The following USP43 variants were observed in gnomAD, a reference collection of about 807,000 sequenced individuals.
USP43 encodes ubiquitin carboxyl-terminal hydrolase 43.
USP43 carries 33 observed loss-of-function variants against 90.7 expected under a neutral mutation model. That is an observed-to-expected ratio of 0.36 (90% CI 0.28 to 0.49). The LOEUF (loss-of-function observed/expected upper bound fraction) is 0.49. Among genes scored for constraint, USP43 ranks in the 20% least tolerant of loss-of-function variants. The probability of loss-of-function intolerance (pLI) is 0.98; values close to 1 mark genes in which losing one functional copy is unlikely to be tolerated. For synonymous variants in USP43, 598 were observed against 615.8 expected, an observed-to-expected ratio of 0.97 and a Z score of 0.43; for missense variants, 1,274 against 1,476.4, an observed-to-expected ratio of 0.86 and a Z score of 2.25.
chr17:9,709,685 C>T lies in USP43; in HGVS notation c.2012-271C>T, dbSNP rs545922537. Among the ~76,000 whole-genome samples the T allele has an allele frequency of 3.9e-4, 59 of 152,132 alleles. No homozygotes were observed. The highest frequency in any genetic ancestry group is 1.3e-3 in the African/African-American group (52 of 41,492). ...GAGCCGAGATCGCGCCACTTCACTC[C>T]AGCCTGGGTGACAGAGCGAAACTCC... On this transcript the variant is annotated intron_variant, in intron 12 of 14. Transcript: ENST00000285199. This position sits in a 1 kb window ranked among gnomAD's most constrained non-coding sequence, Gnocchi z 5.0.
chr17:9,667,026 C>T (rs1195487403), intron 3 of USP43, among the ~76,000 whole-genome samples: 1 of 152,128 alleles, frequency 6.6e-6, no homozygotes, highest in Non-Finnish European at 1.5e-5. Flanking sequence ...TAAATGTGAG[C>T]TGGGATCTCA....
chr17:9,682,774 AAAGCAGCTCCTTT>A (rs1914372097), intron 6 of USP43, 36 bp from the exon 7 acceptor site: 4 of 1,594,440 alleles, frequency 2.5e-6, no homozygotes, highest in Non-Finnish European at 3.4e-6. Flanking sequence ...CTGACCCAGG[AAAGCAGCTCCTTT>A]AGGAATATGA....
chr17:9,719,082 C>T (rs1336889740), intron 14 of USP43, among the ~76,000 whole-genome samples: 1 of 152,056 alleles, frequency 6.6e-6, no homozygotes, highest in Non-Finnish European at 1.5e-5. Flanking sequence ...AAGCTGAGCT[C>T]GCACCATTGC....
chr17:9,728,989 G>GA lies in USP43; in HGVS notation c.3372dup. The GA allele has an allele frequency of 6.4e-7, 1 of 1,561,200 alleles. No homozygotes were observed. Among genetic ancestry groups the GA allele is most frequent in the Non-Finnish European group, 8.7e-7 (1 of 1,149,034 alleles). ...RKKTLPESSF[*] ...AAAACCTTACCGGAGTCCAGCTTTT[G>GA]ATGGAGCGTGTCAGTATTGTGTGAC... Residue 1124 remains the stop codon, a frameshift_variant and stop_retained_variant, in exon 15 of 15, where the codon TGA becomes TGAA. Coordinates refer to ENST00000285199, the MANE Select transcript of USP43 (RefSeq NM_153210.5). LOFTEE classifies it high-confidence loss of function. The surrounding 1 kb of genome is among the most constrained non-coding windows in gnomAD (Gnocchi z 6.2).
intron 14 of USP43, among the ~76,000 whole-genome samples, chr17:9,712,783 GTTTTTGTT>G (rs869214229): frequency 8.3e-6 from 1 of 120,790 alleles, no homozygotes; most frequent in Non-Finnish European, 1.6e-5. Flanking sequence ...GTGGAGAGGT[GTTTTTGTT>G]TGTTTGTTTG....
chr17:9,652,114 G>A (rs2151961494), intron 1 of USP43, among the ~76,000 whole-genome samples: 1 of 151,654 alleles, frequency 6.6e-6, no homozygotes, highest in Middle Eastern at 3.4e-3. Context: ...GCTGAGCACA[G>A]TGGCTCATGC....
Position 9,706,048 on chromosome 17 carries a change from G to A in USP43, c.2012-3908G>A, listed in dbSNP as rs181349540. Among the ~76,000 whole-genome samples, 231 of 152,212 alleles carry A rather than the reference G, an allele frequency of 1.5e-3. 2 individuals carry two copies. The highest frequency in any genetic ancestry group is 5.2e-3 in the African/African-American group (214 of 41,542). On this transcript the variant is annotated intron_variant, in intron 12 of 14. Transcript: ENST00000285199. ...TTGGATTTTTGCCCATCTAATAGTA[G>A]GAAAATGGTATCTCAGTGTAAGTTG...
chr17:9,671,906 C>G (rs186757429), intron 3 of USP43, among the ~76,000 whole-genome samples: 28 of 152,332 alleles, frequency 1.8e-4, no homozygotes, highest in Admixed American at 1.8e-3. Flanking sequence ...TCACATCAGT[C>G]TGTCCTGATT....
intron 1 of USP43, among the ~76,000 whole-genome samples, chr17:9,651,338 C>T (rs372237382): frequency 4.6e-5 from 7 of 151,952 alleles, no homozygotes; most frequent in Non-Finnish European, 8.8e-5. Context: ...ACTACAGGCG[C>T]GCGCCACCAT....
chr17:9,684,635 C>T (rs559154337), intron 7 of USP43, among the ~76,000 whole-genome samples: 14 of 152,036 alleles, frequency 9.2e-5, no homozygotes, highest in Admixed American at 4.6e-4. Context: ...TGGTGGCTCA[C>T]GCCTGTAATC....
intron 6 of USP43, among the ~76,000 whole-genome samples, chr17:9,680,639 G>A (rs1299521170): frequency 1.3e-5 from 2 of 152,106 alleles, no homozygotes; most frequent in Non-Finnish European, 2.9e-5. Flanking sequence ...TTATGATTTG[G>A]GTGGCCTGGG....
At chr17:9,652,935 A>G (rs1015807455) in intron 1 of USP43, among the ~76,000 whole-genome samples, 3 of 151,964 alleles carry the variant, frequency 2.0e-5, no homozygotes, top group African/African-American at 4.8e-5. Flanking sequence ...TCAAATATGT[A>G]TTTTTGCATT....
chr17:9,682,901 A>T lies in USP43; in HGVS notation c.1184A>T (p.Glu395Val). Residue 395 changes from glutamate to valine, a missense_variant, in exon 7 of 15, where the codon GAG (glutamate) becomes GTG (valine). This residue lies in a region of USP43 where 253 missense variants were observed against 276.0 expected (regional missense o/e 0.92). Coordinates refer to ENST00000285199, the MANE Select transcript of USP43 (RefSeq NM_153210.5). ...GQRFSLSLHSESKVLILFCNL... is the reference protein window; with the variant it reads ...GQRFSLSLHSVSKVLILFCNL... ...CGATTCTCCCTCTCTCTCCACAGTG[A>T]GAGCAAGGTGCTAATCCTCTTCTGT... 1 of 1,614,026 alleles carries T rather than the reference A, an allele frequency of 6.2e-7. No individual in the cohort carries two copies. Among genetic ancestry groups the T allele is most frequent in the South Asian group, 1.1e-5 (1 of 91,082 alleles).
intron 8 of USP43, 93 bp downstream of exon 8, chr17:9,687,002 T>C: frequency 8.7e-7 from 1 of 1,148,940 alleles, no homozygotes; most frequent in Non-Finnish European, 1.3e-6. Flanking sequence ...TGGAATTTAG[T>C]GTAGCCCAGG....
chr17:9,665,480 T>C (rs1912978097), intron 2 of USP43, among the ~76,000 whole-genome samples: 1 of 152,060 alleles, frequency 6.6e-6, no homozygotes, highest in Admixed American at 6.5e-5. Flanking sequence ...GCACCCCTTA[T>C]AAAACCATCA....
At chr17:9,657,459 C>T (rs564103359) in intron 2 of USP43, among the ~76,000 whole-genome samples, 1 of 150,776 alleles carries the variant, frequency 6.6e-6, no homozygotes, top group African/African-American at 2.4e-5. Context: ...GAGAACGCAC[C>T]GTTGCACTCC....
At position 9,693,228 on chromosome 17, in the gene USP43, C is replaced by T. The variant is rs556080974; in HGVS notation, c.1455C>T (p.Asp485=). 41 of 1,611,232 alleles carry T rather than the reference C, an allele frequency of 2.5e-5. No homozygotes were observed. The South Asian group carries it at 4.2e-4, about 17-fold the overall frequency. Reference sequence around the variant, plus strand: ...GGCCCCTCTGTCACTGGGCAGTTGACAGGTAAGGGGGAAGGTCCAGGTTCA... The same window carrying T: ...GGCCCCTCTGTCACTGGGCAGTTGATAGGTAAGGGGGAAGGTCCAGGTTCA... The part of the protein sequence containing the change: ...DSRPLCHWAV[D]RVLHLRRPGG... The change falls in exon 9 of 15, where the codon GAC becomes GAT. Residue 485 remains aspartate, a splice_region_variant and synonymous_variant. Coordinates refer to ENST00000285199, the MANE Select transcript of USP43 (RefSeq NM_153210.5).
Position 9,728,220 on chromosome 17 carries a change from T to C in USP43, c.2602T>C (p.Ser868Pro). The C allele has an allele frequency of 6.2e-7, 1 of 1,613,646 alleles. No individual in the cohort carries two copies. The change falls in exon 15 of 15, where the codon TCC (serine) becomes CCC (proline). Residue 868 changes from serine to proline, a missense_variant. Physicochemically the swap from Ser to Pro is moderately conservative, Grantham distance 74. Coordinates refer to ENST00000285199, the MANE Select transcript of USP43 (RefSeq NM_153210.5). This position sits in a 1 kb window ranked among gnomAD's most constrained non-coding sequence, Gnocchi z 6.2. ...GGATGAGAAGTCAGCATCGCCGAGG[T>C]CCAACGTCGCCCTTCCTGCTAACAG... Reference protein sequence around the residue: ...GEDEKSASPRSNVALPANSED... With the variant: ...GEDEKSASPRPNVALPANSED...
chr17:9,645,685 C>T lies in USP43; in HGVS notation c.53C>T (p.Pro18Leu). Reference protein sequence around the residue: ...AAGGGPLAPRPRRRRSLRRLF... With the variant: ...AAGGGPLAPRLRRRRSLRRLF... ...GGAGGGGGACCGCTCGCGCCCCGGCCCCGCCGCCGCCGCTCCCTGCGCCGC... is the reference window on the plus strand; with the variant it reads ...GGAGGGGGACCGCTCGCGCCCCGGCTCCGCCGCCGCCGCTCCCTGCGCCGC... The change falls in exon 1 of 15, where the codon CCC (proline) becomes CTC (leucine). Residue 18 changes from proline to leucine, a missense_variant. By Grantham distance (98) the Pro-to-Leu change is moderately conservative. Coordinates refer to ENST00000285199, the MANE Select transcript of USP43 (RefSeq NM_153210.5). The surrounding 1 kb of genome is among the most constrained non-coding windows in gnomAD (Gnocchi z 6.8). 7.8e-7 allele frequency: 1 copy of T among 1,287,770 alleles called. No homozygotes were observed. The highest frequency in any genetic ancestry group is 9.8e-7 in the Non-Finnish European group (1 of 1,024,022). 79.8% of individuals were successfully genotyped at this position (1,287,770 alleles called of 1,614,324 possible).
Sources: allele counts gnomAD v4.1 joint callset (sites outside exome capture counted in the v4.1 genomes callset), GRCh38; gene constraint gnomAD v4.1.1; regional missense constraint gnomAD v4.1.1; non-coding constraint Gnocchi (gnomAD v3.1); transcripts MANE v1.5; gene names NCBI Gene and HGNC (gene_info 2026-07-23, HGNC 2026-07-21).